ECHDC1: variants seen among roughly 807,000 people sequenced by gnomAD.
The protein encoded by ECHDC1 is ethylmalonyl-CoA decarboxylase 1, also known as ethylmalonyl-CoA decarboxylase.
A neutral mutation model predicts 29.7 loss-of-function variants in ECHDC1; 29 were observed. That is an observed-to-expected ratio of 0.98 (90% confidence interval 0.73 to 1.33). The LOEUF is 1.33. Among genes scored for constraint, ECHDC1 ranks in the 40% most tolerant of loss-of-function variants. ECHDC1 has a pLI of 0.00. For missense variants in ECHDC1, 328 were observed against 350.0 expected (o/e 0.94, Z 0.50); for synonymous variants, 126 against 123.1 (o/e 1.02, Z -0.15).
chr6:127,328,095 G>A (rs1562328832), intron 2 of ECHDC1, among the ~76,000 whole-genome samples: 1 of 152,200 alleles, frequency 6.6e-6, no homozygotes, highest in Non-Finnish European at 1.5e-5. Flanking sequence ...ATCCCACAAT[G>A]TCAAGAACTA....
chr6:127,289,813 T>C lies in ECHDC1; in HGVS notation c.*56A>G. 6.8e-7 allele frequency: 1 copy of C among 1,472,616 alleles called. No homozygotes were observed. The highest frequency in any genetic ancestry group is 9.2e-7 in the Non-Finnish European group (1 of 1,092,124). The allele number at this position is 1,472,616 out of a possible 1,614,324, so 91.2% of individuals were successfully genotyped here. A position where few individuals can be genotyped will look rare whatever the true frequency, so the allele number is the denominator to read the frequency against. On this transcript the variant is annotated 3_prime_UTR_variant, in exon 6 of 6. Coordinates refer to ENST00000454859, the MANE Select transcript of ECHDC1 (RefSeq NM_001002030.2). ...TGTTCATATTTAATATCATTTAACATTTATACATATTAGTCACTGGAGCTT... is the reference window on the plus strand; with the variant it reads ...TGTTCATATTTAATATCATTTAACACTTATACATATTAGTCACTGGAGCTT...
intron 5 of ECHDC1, among the ~76,000 whole-genome samples, chr6:127,296,489 C>CA (rs1236612549): frequency 1.3e-5 from 2 of 151,084 alleles, no homozygotes; most frequent in Non-Finnish European, 2.9e-5. Flanking sequence ...GCTTGTGTGG[C>CA]AAAAAAGAAT....
chr6:127,290,318 G>C (rs370647702), intron 5 of ECHDC1, 41 bp from the exon 6 acceptor site: 168 of 1,568,948 alleles, frequency 1.1e-4, no homozygotes, highest in African/African-American at 5.6e-4. Flanking sequence ...AACTCTCTCT[G>C]TATGCTCTAA....
chr6:127,320,591 A>C (rs1187162475), intron 3 of ECHDC1, among the ~76,000 whole-genome samples: 1 of 152,210 alleles, frequency 6.6e-6, no homozygotes, highest in Non-Finnish European at 1.5e-5. Context: ...CATATTCTGA[A>C]GCTTATAACT....
At chr6:127,323,063 C>A (rs913078515) in intron 3 of ECHDC1, among the ~76,000 whole-genome samples, 3 of 151,948 alleles carry the variant, frequency 2.0e-5, no homozygotes, top group East Asian at 1.9e-4. Context: ...GTTTTGCGTA[C>A]AAAATTAATG....
At chr6:127,321,248 GAGTA>G (rs758356542) in intron 3 of ECHDC1, among the ~76,000 whole-genome samples, 2 of 152,152 alleles carry the variant, frequency 1.3e-5, no homozygotes, top group Non-Finnish European at 2.9e-5. Flanking sequence ...TAACAACAAA[GAGTA>G]AGTATTTGGA....
At chr6:127,309,542 A>G (rs1198763509) in intron 5 of ECHDC1, among the ~76,000 whole-genome samples, 1 of 149,160 alleles carries the variant, frequency 6.7e-6, no homozygotes, top group Non-Finnish European at 1.5e-5. Flanking sequence ...CACACAGGAA[A>G]AAATAGATTA....
chr6:127,337,321 C>T (rs1392262007), intron 1 of ECHDC1, among the ~76,000 whole-genome samples: 1 of 152,132 alleles, frequency 6.6e-6, no homozygotes, highest in African/African-American at 2.4e-5. Context: ...AAACATTTTA[C>T]AACCTGCTCT....
intron 5 of ECHDC1, among the ~76,000 whole-genome samples, chr6:127,293,190 C>T (rs191254897): frequency 4.3e-4 from 65 of 152,178 alleles, no homozygotes; most frequent in Admixed American, 2.1e-3. Context: ...TCTTAAGTTT[C>T]AGGTCTTGAA....
Position 127,290,087 on chromosome 6 carries a change from A to T in ECHDC1, c.688T>A (p.Ser230Thr), listed in dbSNP as rs767146002. The T allele has an allele frequency of 3.7e-6, 6 of 1,613,668 alleles. No homozygotes were observed. The South Asian group carries it at 4.4e-5, about 12-fold the overall frequency. Residue 230 changes from serine to threonine, a missense_variant, in exon 6 of 6, where the codon TCA becomes ACA. Coordinates refer to ENST00000454859, the MANE Select transcript of ECHDC1 (RefSeq NM_001002030.2). ...TCTTCTAGAGATTTAGTTTCATCTG[A>T]AGACTGCAAGACCTCTTCAACCATT... ...IGMVEEVLQS[S>T]DETKSLEEAQ...
At chr6:127,343,277 G>T (rs1291196803) in intron 1 of ECHDC1, 59 bp downstream of exon 1, 1 of 152,174 alleles carries the variant, frequency 6.6e-6, no homozygotes, top group East Asian at 1.9e-4. Flanking sequence ...GACATTTTAG[G>T]ATTCTCCCAC....
intron 4 of ECHDC1, chr6:127,315,135 C>A: frequency 1.5e-6 from 1 of 646,744 alleles, no homozygotes; most frequent in Non-Finnish European, 2.8e-6. Flanking sequence ...ATTAAAATAC[C>A]TCCCTGAATC....
intron 1 of ECHDC1, among the ~76,000 whole-genome samples, chr6:127,342,197 T>A (rs529650161): frequency 6.6e-6 from 1 of 152,358 alleles, no homozygotes; most frequent in Admixed American, 6.5e-5. Context: ...ACTCACTCTT[T>A]GCTGTAATTA....
chr6:127,298,420 C>G (rs1409714072), intron 5 of ECHDC1, among the ~76,000 whole-genome samples: 1 of 151,676 alleles, frequency 6.6e-6, no homozygotes, highest in Non-Finnish European at 1.5e-5. Context: ...TCTCTATTTT[C>G]CCATGTTTTT....
intron 1 of ECHDC1, among the ~76,000 whole-genome samples, chr6:127,341,275 T>C (rs1167667098): frequency 6.6e-6 from 1 of 152,170 alleles, no homozygotes; most frequent in African/African-American, 2.4e-5. Flanking sequence ...GAAATCCAAT[T>C]CTAAAAATTT....
intron 5 of ECHDC1, among the ~76,000 whole-genome samples, chr6:127,296,750 G>A (rs1780632713): frequency 6.6e-6 from 1 of 152,102 alleles, no homozygotes; most frequent in Non-Finnish European, 1.5e-5. Flanking sequence ...AGTGGCTCAT[G>A]CCTGCAATCC....
At chr6:127,326,793 C>T (rs570778428) in intron 3 of ECHDC1, 77 of 507,986 alleles carry the variant, frequency 1.5e-4, no homozygotes, top group South Asian at 7.1e-4. Context: ...AAGAGCCGTT[C>T]GCAGATATAC....
rs770355861 is a variant in ECHDC1, at chr6:127,330,768, G to C, written c.220+41C>G. 7 of 1,550,372 alleles carry C rather than the reference G, an allele frequency of 4.5e-6. No homozygotes were observed. The African/African-American group carries it at 9.5e-5, about 21-fold the overall frequency. ...TAAAAAAACTTGTGATAACAGTTTA[G>C]ATTTAGTGTCATTCTTTAGGAATAA... On this transcript the variant is annotated intron_variant, in intron 2 of 5. Coordinates refer to ENST00000454859, the MANE Select transcript of ECHDC1 (RefSeq NM_001002030.2).
chr6:127,297,214 T>G (rs1780682783), intron 5 of ECHDC1, among the ~76,000 whole-genome samples: 1 of 152,198 alleles, frequency 6.6e-6, no homozygotes, highest in African/African-American at 2.4e-5. Context: ...CATTAACTCA[T>G]TAATATTTAT....
Sources: allele counts gnomAD v4.1 joint callset (sites outside exome capture counted in the v4.1 genomes callset), GRCh38; gene constraint gnomAD v4.1.1; transcripts MANE v1.5; gene names NCBI Gene and HGNC (gene_info 2026-07-23, HGNC 2026-07-21).